DYNC1H1: variants seen among roughly 807,000 people sequenced by gnomAD.
The protein encoded by DYNC1H1 is dynein cytoplasmic 1 heavy chain 1.
In DYNC1H1, 51 loss-of-function variants were observed where a neutral mutation model predicts 527.1. The ratio of observed to expected loss-of-function variants is 0.10; its 90% confidence interval spans 0.08 to 0.12. The LOEUF is 0.12. DYNC1H1 is among the 10% of genes least tolerant of loss of function. The pLI is 1.00. For missense variants in DYNC1H1, 2,771 were observed against 5,971.8 expected (o/e 0.46, Z 17.66); for synonymous variants, 2,189 against 2,278.8 (o/e 0.96, Z 1.12).
At position 101,977,613 on chromosome 14, in the gene DYNC1H1, T is replaced by A. The variant is rs185135876; in HGVS notation, c.345-1706T>A. ...TCTCAATGATGTCCCTTATACTAAT[T>A]TTCCCCTAATTCAGAGTCCAGTCCA... On this transcript the variant is annotated intron_variant, in intron 2 of 77. Coordinates refer to ENST00000360184, the MANE Select transcript of DYNC1H1 (RefSeq NM_001376.5). Among the ~76,000 whole-genome samples the A allele has an allele frequency of 1.3e-3, 195 of 152,332 alleles. 1 individual carries two copies. The highest frequency in any genetic ancestry group is 4.5e-3 in the African/African-American group (189 of 41,558).
At chr14:102,048,195 T>A in intron 73 of DYNC1H1, 167 bp downstream of exon 73, 1 of 904,720 alleles carries the variant, frequency 1.1e-6, no homozygotes, top group Non-Finnish European at 1.7e-6. Flanking sequence ...TTGGGCAAGA[T>A]GAGTTGGCCC....
intron 1 of DYNC1H1, among the ~76,000 whole-genome samples, chr14:101,967,490 TTTTA>T (rs899965986): frequency 3.3e-5 from 5 of 152,346 alleles, no homozygotes; most frequent in South Asian, 2.1e-4. Context: ...TATATATATT[TTTTA>T]TTTGTTTGTT....
Position 102,006,180 on chromosome 14 carries a change from T to C in DYNC1H1, c.5716+10T>C. ...GGGGGTTCCCCATTTGGTAAGTTCT[T>C]CCACAGATCTGGACAGATGGAATCA... On this transcript the variant is annotated intron_variant, in intron 27 of 77. Coordinates refer to ENST00000360184, the MANE Select transcript of DYNC1H1 (RefSeq NM_001376.5). The C allele has an allele frequency of 6.2e-7, 1 of 1,613,012 alleles. No homozygotes were observed. The highest frequency in any genetic ancestry group is 8.5e-7 in the Non-Finnish European group (1 of 1,179,916).
Position 102,017,258 on chromosome 14 carries a change from A to G in DYNC1H1, c.8019A>G (p.Lys2673=). 1.2e-6 allele frequency: 2 copies of G among 1,614,278 alleles called. No homozygotes were observed. The highest frequency in any genetic ancestry group is 1.7e-6 in the Non-Finnish European group (2 of 1,180,050). ...CDEINLPDMD[K]YGTQRVISFI... is the part of the protein sequence containing the mutation. The stretch of plus-strand genomic sequence containing the variant: ...AAATCAACTTGCCAGATATGGATAA[A>G]TATGGGACCCAGAGGGTCATATCCT... Residue 2673 remains lysine (K), a synonymous_variant, in exon 39 of 78, where the codon AAA becomes AAG. Transcript: ENST00000360184. The surrounding 1 kb of genome is among the most constrained non-coding windows in gnomAD (Gnocchi z 4.6).
At chr14:102,047,641 GTATATATA>G (rs71116874) in intron 72 of DYNC1H1, 168 bp from the exon 73 acceptor site, 28 of 316,692 alleles carry the variant, frequency 8.8e-5, no homozygotes, top group East Asian at 2.1e-4. Flanking sequence ...GTGTGTGTGT[GTATATATA>G]TATATATATA....
At chr14:102,004,420 C>A in intron 23 of DYNC1H1, 98 bp from the exon 24 acceptor site, 3 of 1,383,328 alleles carry the variant, frequency 2.2e-6, no homozygotes, top group Non-Finnish European at 2.9e-6. Context: ...CACCACCAGA[C>A]ACATGTTCTT....
chr14:102,006,988 T>C lies in DYNC1H1; in HGVS notation c.5717-20T>C, dbSNP rs754700022. On this transcript the variant is annotated intron_variant, in intron 27 of 77. Transcript: ENST00000360184. ...AGTTAGGTAATGGACTCAAGCACTCTGTTGCTTTTCTTTAAACAGGACCTG... is the reference window on the plus strand; with the variant it reads ...AGTTAGGTAATGGACTCAAGCACTCCGTTGCTTTTCTTTAAACAGGACCTG... The C allele has an allele frequency of 6.2e-7, 1 of 1,611,220 alleles. No homozygotes were observed. The highest frequency in any genetic ancestry group is 8.5e-7 in the Non-Finnish European group (1 of 1,177,288).
chr14:101,985,446 T>TA lies in DYNC1H1; in HGVS notation c.1462-241_1462-240insA, dbSNP rs2047925347. The stretch of plus-strand genomic sequence containing the variant: ...TTCAAGCGATTCTCCTGTCTCAACT[T>TA]CCCAAGTAGCTGGGAATACAGGCAT... On this transcript the variant is annotated intron_variant, in intron 7 of 77. Transcript: ENST00000360184. The surrounding 1 kb of genome is among the most constrained non-coding windows in gnomAD (Gnocchi z 5.9). Among the ~76,000 whole-genome samples the TA allele has an allele frequency of 6.6e-6, 1 of 152,116 alleles. No homozygotes were observed. Among genetic ancestry groups the TA allele is most frequent in the African/African-American group, 2.4e-5 (1 of 41,434 alleles).
chr14:101,987,981 G>A (rs1272692860), intron 9 of DYNC1H1, among the ~76,000 whole-genome samples: 2 of 152,154 alleles, frequency 1.3e-5, no homozygotes, highest in Non-Finnish European at 2.9e-5. Flanking sequence ...AGGAAACTGA[G>A]GCGGGAGGAT....
chr14:102,042,313 G>A lies in DYNC1H1; in HGVS notation c.12275+25G>A. On this transcript the variant is annotated intron_variant, in intron 67 of 77. Coordinates refer to ENST00000360184, the MANE Select transcript of DYNC1H1 (RefSeq NM_001376.5). The surrounding 1 kb of genome is among the most constrained non-coding windows in gnomAD (Gnocchi z 5.7). ...GGTAGGCCTGTTCTCTTTGGCTGAA[G>A]AAAGCCTTAGTCCCCAGGCATTCAG... is the stretch of plus-strand genomic sequence containing the variant. 6.2e-7 allele frequency: 1 copy of A among 1,614,152 alleles called. No homozygotes were observed. The highest frequency in any genetic ancestry group is 8.5e-7 in the Non-Finnish European group (1 of 1,180,020).
Position 102,018,465 on chromosome 14 carries a change from T to G in DYNC1H1, c.8192T>G (p.Val2731Gly). The G allele has an allele frequency of 6.2e-7, 1 of 1,613,776 alleles. No individual in the cohort carries two copies. Among genetic ancestry groups the G allele is most frequent in the Non-Finnish European group, 8.5e-7 (1 of 1,180,022 alleles). The change falls in exon 41 of 78, where the codon GTG becomes GGG. Residue 2731 changes from valine (V) to glycine (G), a missense_variant. Transcript: ENST00000360184. This position sits in a 1 kb window ranked among gnomAD's most constrained non-coding sequence, Gnocchi z 5.2. ...KPLSHRFLRH[V>G]PVVYVDYPGP... ...TCTGTGCACAGGTTCCTGCGCCACG[T>G]GCCTGTCGTGTATGTGGATTACCCG...
At position 102,049,366 on chromosome 14, in the gene DYNC1H1, T is replaced by G. The variant is rs1240293613; in HGVS notation, c.13373-74T>G. The stretch of plus-strand genomic sequence containing the variant: ...TGTGGGCAGCCAGGATGCCTAGCAC[T>G]TGCACATTTGTTCCATCTGTGCTGG... On this transcript the variant is annotated intron_variant, in intron 74 of 77. Coordinates refer to ENST00000360184, the MANE Select transcript of DYNC1H1 (RefSeq NM_001376.5). The surrounding 1 kb of genome is among the most constrained non-coding windows in gnomAD (Gnocchi z 5.5). 2 of 1,605,442 alleles carry G rather than the reference T, an allele frequency of 1.2e-6. No individual in the cohort carries two copies. Among genetic ancestry groups the G allele is most frequent in the Non-Finnish European group, 1.7e-6 (2 of 1,177,274 alleles).
At position 102,006,082 on chromosome 14, in the gene DYNC1H1, G is replaced by A; in HGVS notation, c.5628G>A (p.Gln1876=). Residue 1876 remains glutamine (Q), a synonymous_variant, in exon 27 of 78, where the codon CAG becomes CAA. Coordinates refer to ENST00000360184, the MANE Select transcript of DYNC1H1 (RefSeq NM_001376.5). ...ATGGCTTTGAGTACCTGGGTGTTCA[G>A]GACAAACTGGTCCAGACCCCCCTCA... is the stretch of plus-strand genomic sequence containing the variant. ...FNYGFEYLGV[Q]DKLVQTPLTD... The A allele has an allele frequency of 6.2e-7, 1 of 1,614,246 alleles. No homozygotes were observed. Among genetic ancestry groups the A allele is most frequent in the South Asian group, 1.1e-5 (1 of 91,088 alleles).
chr14:102,012,320 C>T lies in DYNC1H1; in HGVS notation c.6864C>T (p.Ile2288=), dbSNP rs780288243. ...GLFTHVLRKI[I]DSVRGELQKR... ...TAAAATCCTTCCCAACCAGGATCATCGACAGCGTGAGAGGCGAGCTGCAGA... is the reference window on the plus strand; with the variant it reads ...TAAAATCCTTCCCAACCAGGATCATTGACAGCGTGAGAGGCGAGCTGCAGA... The change falls in exon 34 of 78, where the codon ATC becomes ATT. Residue 2288 remains isoleucine (I), a synonymous_variant. Coordinates refer to ENST00000360184, the MANE Select transcript of DYNC1H1 (RefSeq NM_001376.5). The surrounding 1 kb of genome is among the most constrained non-coding windows in gnomAD (Gnocchi z 4.9). 1.4e-5 allele frequency: 22 copies of T among 1,614,086 alleles called. No individual in the cohort carries two copies. The highest frequency in any genetic ancestry group is 3.3e-4 in the Middle Eastern group (2 of 6,084).
chr14:102,020,795 G>C lies in DYNC1H1; in HGVS notation c.8507+739G>C, dbSNP rs2048376067. ...AAATGCTTAAGTGTTTGGCAGCTGT[G>C]CCTCTGGACCAGGTGTCATCCTGCA... On this transcript the variant is annotated intron_variant, in intron 42 of 77. Coordinates refer to ENST00000360184, the MANE Select transcript of DYNC1H1 (RefSeq NM_001376.5). This position sits in a 1 kb window ranked among gnomAD's most constrained non-coding sequence, Gnocchi z 4.3. 6.6e-6 allele frequency among the ~76,000 whole-genome samples: 1 copy of C among 152,188 alleles called. No homozygotes were observed. Among genetic ancestry groups the C allele is most frequent in the Non-Finnish European group, 1.5e-5 (1 of 68,018 alleles).
rs2048148796 is a variant in DYNC1H1, at chr14:102,002,985, T to C, written c.4883+20T>C. ...CCCCAGGTAAGATCCTTGCTTTGAC[T>C]TGGCCTGGAGTCAAGTTGAATTTCA... On this transcript the variant is annotated intron_variant, in intron 23 of 77. Transcript: ENST00000360184. The surrounding 1 kb of genome is among the most constrained non-coding windows in gnomAD (Gnocchi z 4.4). The C allele has an allele frequency of 6.2e-7, 1 of 1,613,842 alleles. No individual in the cohort carries two copies.
Position 102,041,784 on chromosome 14 carries a change from C to A in DYNC1H1, c.12102+50C>A. On this transcript the variant is annotated intron_variant, in intron 65 of 77. Transcript: ENST00000360184. This position sits in a 1 kb window ranked among gnomAD's most constrained non-coding sequence, Gnocchi z 4.5. ...TTCCCACGAGACTCCATGCCCACCT[C>A]CCCAGCCACAGGTGGCAGCAGCCCT... 1.9e-6 allele frequency: 3 copies of A among 1,612,362 alleles called. No individual in the cohort carries two copies. Among genetic ancestry groups the A allele is most frequent in the Non-Finnish European group, 2.5e-6 (3 of 1,179,712 alleles).
In DYNC1H1 at chr14:101,985,287, T is replaced by TTA; in HGVS notation, c.1462-392_1462-391dup. Among the ~76,000 whole-genome samples, 1 of 152,270 alleles carries TTA rather than the reference T, an allele frequency of 6.6e-6. No homozygotes were observed. The highest frequency in any genetic ancestry group is 3.4e-3 in the Middle Eastern group (1 of 294). On this transcript the variant is annotated intron_variant, in intron 7 of 77. Coordinates refer to ENST00000360184, the MANE Select transcript of DYNC1H1 (RefSeq NM_001376.5). This position sits in a 1 kb window ranked among gnomAD's most constrained non-coding sequence, Gnocchi z 5.9. ...TAAAACAATTAAATGACTAATTTCTTTATATATATTTTTTTCTCTTCTGAA... is the reference window on the plus strand; with the variant it reads ...TAAAACAATTAAATGACTAATTTCTTTATATATATATTTTTTTCTCTTCTGAA...
chr14:102,032,156 T>C (rs1399156708), intron 51 of DYNC1H1, 116 bp from the exon 52 acceptor site: 1 of 1,253,482 alleles, frequency 8.0e-7, no homozygotes, highest in Admixed American at 1.7e-5. Context: ...TCTAAGCAGC[T>C]AGCTGTCCTT....
Sources: allele counts gnomAD v4.1 joint callset (sites outside exome capture counted in the v4.1 genomes callset), GRCh38; gene constraint gnomAD v4.1.1; non-coding constraint Gnocchi (gnomAD v3.1); transcripts MANE v1.5; gene names NCBI Gene and HGNC (gene_info 2026-07-23, HGNC 2026-07-21).